Variants in DLGAP1 observed in about 807,000 individuals in gnomAD.
DLGAP1 encodes DLG associated protein 1.
In DLGAP1, 11 loss-of-function variants were observed where a neutral mutation model predicts 90.8. The observed-to-expected ratio is 0.12, with a 90% confidence interval of 0.08 to 0.20. The LOEUF is 0.20. Among genes scored for constraint, DLGAP1 ranks in the 10% least tolerant of loss-of-function variants. The pLI is 1.00. For missense variants in DLGAP1, 1,050 were observed against 1,333.8 expected, an observed-to-expected ratio of 0.79 and a Z score of 3.31; for synonymous variants, 558 against 540.7, an observed-to-expected ratio of 1.03 and a Z score of -0.44.
At chr18:4,426,643 CAAG>C in intron 1 of DLGAP1, among the ~76,000 whole-genome samples, 1 of 152,258 alleles carries the variant, frequency 6.6e-6, no homozygotes, top group Admixed American at 6.5e-5. Context: ...AAAATGTGGA[CAAG>C]AATATTACTA....
chr18:3,598,380 A>T (rs761188252), intron 7 of DLGAP1: 1 of 151,784 alleles, frequency 6.6e-6, no homozygotes, highest in Non-Finnish European at 1.5e-5. Context: ...CTCATTCATT[A>T]TCCAACTTTG....
At chr18:3,971,115 G>A (rs7240977) in intron 3 of DLGAP1, among the ~76,000 whole-genome samples, 24,621 of 152,090 alleles carry the variant, frequency 0.16, 2,333 homozygotes, top group African/African-American at 0.27. Context: ...GCCTTCTTTC[G>A]GTAGCTACAG....
Position 4,226,585 on chromosome 18 carries a change from C to A in DLGAP1, c.-266-75298G>T, listed in dbSNP as rs540523557. Among the ~76,000 whole-genome samples, 10 of 150,368 alleles carry A rather than the reference C, an allele frequency of 6.7e-5. No homozygotes were observed. The East Asian group carries it at 2.0e-3, about 29-fold the overall frequency. On this transcript the variant is annotated intron_variant, in intron 1 of 12. Transcript: ENST00000315677. ...AAAGTATAGAGTTTTTATTAGTTTT[C>A]TCTTTGCTTGTTAATTTGTTTATAT... is the stretch of plus-strand genomic sequence containing the variant.
At chr18:3,781,851 ATTCAACAAG>A (rs2065207716) in intron 5 of DLGAP1, among the ~76,000 whole-genome samples, 1 of 152,236 alleles carries the variant, frequency 6.6e-6, no homozygotes, top group Non-Finnish European at 1.5e-5. Flanking sequence ...ATTCTTATAA[ATTCAACAAG>A]TTCAGATCTT....
chr18:4,139,268 T>G (rs563976194), intron 2 of DLGAP1, among the ~76,000 whole-genome samples: 1 of 152,112 alleles, frequency 6.6e-6, no homozygotes, highest in African/African-American at 2.4e-5. Flanking sequence ...AGCTATAAAC[T>G]TTCCTTTTAG....
At chr18:3,630,256 C>T (rs1483683500) in intron 7 of DLGAP1, among the ~76,000 whole-genome samples, 2 of 152,106 alleles carry the variant, frequency 1.3e-5, no homozygotes, top group Non-Finnish European at 2.9e-5. Flanking sequence ...TTCTCCTGTC[C>T]GACTGGTTAA....
In DLGAP1 at chr18:3,826,715, G is replaced by A. The variant is rs182087074; in HGVS notation, c.958-12442C>T. Among the ~76,000 whole-genome samples, 6 of 152,262 alleles carry A rather than the reference G, an allele frequency of 3.9e-5. No homozygotes were observed. In the East Asian group the frequency reaches 1.2e-3, roughly 29 times the overall value. ...GTAAGGGCTGTGGCATGTACTTGGG[G>A]TGAGATGGGAGTAGAATGGAGGCTT... On this transcript the variant is annotated intron_variant, in intron 4 of 12. Coordinates refer to ENST00000315677, the MANE Select transcript of DLGAP1 (RefSeq NM_004746.4).
intron 9 of DLGAP1, among the ~76,000 whole-genome samples, chr18:3,547,143 T>C (rs1479065688): frequency 6.6e-6 from 1 of 150,860 alleles, no homozygotes; most frequent in African/African-American, 2.4e-5. Context: ...CTACTAAAAA[T>C]ACAAAAAATT....
intron 8 of DLGAP1, among the ~76,000 whole-genome samples, chr18:3,575,108 A>G (rs180909732): frequency 8.5e-5 from 13 of 152,188 alleles, no homozygotes; most frequent in Non-Finnish European, 2.9e-5. Flanking sequence ...GCCACCATGC[A>G]TGGGCCTTTT....
intron 7 of DLGAP1, among the ~76,000 whole-genome samples, chr18:3,702,212 C>T (rs1036507585): frequency 2.6e-5 from 4 of 152,068 alleles, no homozygotes; most frequent in African/African-American, 4.8e-5. Flanking sequence ...CCACCACGCC[C>T]GGCATGAAGT....
At position 3,497,294 on chromosome 18, in the gene DLGAP1, G is replaced by C. The variant is rs2049726698; in HGVS notation, c.*1891C>G. The C allele has an allele frequency of 7.1e-6, 1 of 140,100 alleles. No homozygotes were observed. Among genetic ancestry groups the C allele is most frequent in the African/African-American group, 2.7e-5 (1 of 36,902 alleles). The allele number at this position is 140,100 out of a possible 1,614,324, so 8.7% of individuals were successfully genotyped here. On this transcript the variant is annotated 3_prime_UTR_variant, in exon 13 of 13. Transcript: ENST00000315677. ...TACTTGAAGCTCAAAATCTCTGTAT[G>C]CTCCAATTTCACAAAGCACTTTGAG...
chr18:3,838,314 T>C (rs2068520439), intron 4 of DLGAP1, among the ~76,000 whole-genome samples: 1 of 152,236 alleles, frequency 6.6e-6, no homozygotes, highest in Admixed American at 6.5e-5. Flanking sequence ...ATTCTTTCAG[T>C]TGTTAAGAAA....
At chr18:4,252,236 T>C (rs1161088667) in intron 1 of DLGAP1, among the ~76,000 whole-genome samples, 1 of 152,216 alleles carries the variant, frequency 6.6e-6, no homozygotes, top group Non-Finnish European at 1.5e-5. Context: ...AGGTATTCTA[T>C]GGAATTTTGG....
At chr18:4,213,019 G>A (rs2077879053) in intron 1 of DLGAP1, among the ~76,000 whole-genome samples, 1 of 152,046 alleles carries the variant, frequency 6.6e-6, no homozygotes, top group African/African-American at 2.4e-5. Flanking sequence ...ACATATTAAA[G>A]CATAATTATA....
At chr18:3,662,827 C>T (rs1026785773) in intron 7 of DLGAP1, among the ~76,000 whole-genome samples, 3 of 152,240 alleles carry the variant, frequency 2.0e-5, no homozygotes, top group African/African-American at 7.2e-5. Flanking sequence ...ATCCCAAGCA[C>T]TTATCCCATC....
At chr18:3,616,492 A>G (rs1035035123) in intron 7 of DLGAP1, among the ~76,000 whole-genome samples, 7 of 151,972 alleles carry the variant, frequency 4.6e-5, no homozygotes, top group African/African-American at 1.7e-4. Context: ...GCTCACACCT[A>G]TAATCCCAGC....
At chr18:3,842,956 G>T (rs2068803940) in intron 4 of DLGAP1, among the ~76,000 whole-genome samples, 1 of 152,162 alleles carries the variant, frequency 6.6e-6, no homozygotes, top group African/African-American at 2.4e-5. Flanking sequence ...TTGTCCACAA[G>T]GATGAGCTTC....
At chr18:3,543,297 C>T (rs1421765805) in intron 9 of DLGAP1, among the ~76,000 whole-genome samples, 2 of 151,958 alleles carry the variant, frequency 1.3e-5, no homozygotes, top group African/African-American at 2.4e-5. Context: ...CAGCCTCCCC[C>T]TTAGATGGGA....
intron 1 of DLGAP1, among the ~76,000 whole-genome samples, chr18:4,361,382 T>C (rs34657866): frequency 0.1 from 15,731 of 152,102 alleles, 1,067 homozygotes; most frequent in East Asian, 0.29. Context: ...AATCAAAACA[T>C]TGTGGTACTG....
Sources: allele counts gnomAD v4.1 joint callset (sites outside exome capture counted in the v4.1 genomes callset), GRCh38; gene constraint gnomAD v4.1.1; transcripts MANE v1.5; gene names NCBI Gene and HGNC (gene_info 2026-07-23, HGNC 2026-07-21).